GRM1: variants seen among roughly 807,000 people sequenced by gnomAD.
GRM1 encodes metabotropic glutamate receptor 1.
GRM1 carries 33 observed loss-of-function variants against 90.9 expected under a neutral mutation model. The ratio of observed to expected loss-of-function variants is 0.36; its 90% CI spans 0.28 to 0.49. The LOEUF (loss-of-function observed/expected upper bound fraction) is 0.49, where lower values mean the gene tolerates loss of function less well. Among genes scored for constraint, GRM1 ranks in the 20% least tolerant of loss-of-function variants. The pLI is 0.99. For synonymous variants in GRM1, 700 were observed against 613.2 expected (o/e 1.14, Z -2.09); for missense variants, 1,190 against 1,534.3 (o/e 0.78, Z 3.75).
intron 2 of GRM1, among the ~76,000 whole-genome samples, chr6:146,246,044 T>C: frequency 6.6e-6 from 1 of 152,348 alleles, no homozygotes; most frequent in African/African-American, 2.4e-5. Context: ...ATGATGCTTA[T>C]AAATTTTAAA....
At chr6:146,403,230 C>T (rs1488171419) in intron 7 of GRM1, among the ~76,000 whole-genome samples, 5 of 152,010 alleles carry the variant, frequency 3.3e-5, no homozygotes, top group African/African-American at 1.2e-4. Context: ...ATATAAATGA[C>T]ATGCTTCTTT....
intron 2 of GRM1, among the ~76,000 whole-genome samples, chr6:146,274,705 A>T (rs970198183): frequency 6.6e-6 from 1 of 152,208 alleles, no homozygotes; most frequent in Non-Finnish European, 1.5e-5. Context: ...ATAGGCTTGA[A>T]ATAGTAAAAG....
chr6:146,379,789 C>T (rs1348022400), intron 5 of GRM1, among the ~76,000 whole-genome samples: 1 of 152,084 alleles, frequency 6.6e-6, no homozygotes, highest in African/African-American at 2.4e-5. Context: ...TTAAGGGGCT[C>T]CCCAACCCTA....
chr6:146,434,118 C>G lies in GRM1; in HGVS notation c.2907C>G (p.Ser969Arg). Residue 969 changes from serine (S) to arginine (R), a missense_variant, in exon 8 of 8, where the codon AGC becomes AGG. Around this residue, in one of 10 missense-constraint regions of GRM1, gnomAD observed 400 missense variants for 360.8 expected, o/e 1.11. Coordinates refer to ENST00000282753, the MANE Select transcript of GRM1 (RefSeq NM_001278064.2). ...EEEDAQPIRF[S>R]PPGSPSMVVH... ...AGGATGCCCAGCCGATTCGCTTTAG[C>G]CCGCCTGGTAGCCCTTCCATGGTGG... 6.2e-7 allele frequency: 1 copy of G among 1,614,116 alleles called. No homozygotes were observed. The highest frequency in any genetic ancestry group is 8.5e-7 in the Non-Finnish European group (1 of 1,180,008).
intron 1 of GRM1, among the ~76,000 whole-genome samples, chr6:146,087,241 CTTTTTATT>C (rs1776576981): frequency 6.6e-6 from 1 of 151,996 alleles, no homozygotes; most frequent in African/African-American, 2.4e-5. Context: ...ATTATTTTAT[CTTTTTATT>C]TTGACCTAAT....
intron 3 of GRM1, among the ~76,000 whole-genome samples, chr6:146,350,899 C>A (rs1330080212): frequency 3.3e-5 from 5 of 152,162 alleles, no homozygotes; most frequent in Non-Finnish European, 7.3e-5. Flanking sequence ...GGATTAAAAT[C>A]TAATCTTCTT....
Position 146,399,174 on chromosome 6 carries a change from T to C in GRM1, c.2135T>C (p.Ile712Thr). The C allele has an allele frequency of 6.2e-7, 1 of 1,614,086 alleles. No individual in the cohort carries two copies. Among genetic ancestry groups the C allele is most frequent in the Non-Finnish European group, 8.5e-7 (1 of 1,180,014 alleles). Residue 712 changes from isoleucine (I) to threonine (T), a missense_variant, in exon 7 of 8, where the codon ATT becomes ACT. Around this residue, in one of 10 missense-constraint regions of GRM1, gnomAD observed 414 missense variants for 598.4 expected, o/e 0.69. Transcript: ENST00000282753. This position sits in a 1 kb window ranked among gnomAD's most constrained non-coding sequence, Gnocchi z 5.4. ...TGGGCTCAGGTGATCATTGCCTCAA[T>C]TCTGATTAGTGTGCAACTAACCCTG... is the stretch of plus-strand genomic sequence containing the variant. ...SAWAQVIIAS[I>T]LISVQLTLVV...
In GRM1 at chr6:146,322,584, A is replaced by C. The variant is rs545592136; in HGVS notation, c.1186+17738A>C. Among the ~76,000 whole-genome samples the C allele has an allele frequency of 2.1e-3, 305 of 146,430 alleles. 1 individual carries two copies. The highest frequency in any genetic ancestry group is 7.3e-3 in the African/African-American group (285 of 39,156). ...GGGGCTGCTGCCTTTCTTTTATTTT[A>C]TTTTATTTTATTTTATTTTATTTTA... is the stretch of plus-strand genomic sequence containing the variant. On this transcript the variant is annotated intron_variant, in intron 3 of 7. Transcript: ENST00000282753.
intron 1 of GRM1, among the ~76,000 whole-genome samples, chr6:146,140,102 T>A (rs1583059970): frequency 8.9e-6 from 1 of 112,210 alleles, no homozygotes; most frequent in South Asian, 3.7e-4. Context: ...TCTTTCTTTC[T>A]TTCTTTCTTT....
At chr6:146,225,745 A>G (rs77183988) in intron 2 of GRM1, among the ~76,000 whole-genome samples, 2,132 of 152,276 alleles carry the variant, frequency 0.014, 77 homozygotes, top group East Asian at 0.079. Flanking sequence ...GTACACTTAA[A>G]TAATGGGATT....
chr6:146,050,924 T>C (rs1367769403), intron 1 of GRM1, among the ~76,000 whole-genome samples: 2 of 152,064 alleles, frequency 1.3e-5, no homozygotes, highest in African/African-American at 4.8e-5. Flanking sequence ...AGTCTATGGT[T>C]TCATAACAGA....
intron 2 of GRM1, among the ~76,000 whole-genome samples, chr6:146,236,568 A>G (rs1780652369): frequency 6.6e-6 from 1 of 152,152 alleles, no homozygotes; most frequent in South Asian, 2.1e-4. Context: ...TCTCAGGGAT[A>G]GAGCCTTCTC....
intron 1 of GRM1, among the ~76,000 whole-genome samples, chr6:146,080,603 T>A (rs946552698): frequency 1.3e-5 from 2 of 151,876 alleles, no homozygotes; most frequent in Non-Finnish European, 2.9e-5. Flanking sequence ...CTGGTCAGAG[T>A]CTGTGGTCCT....
At chr6:146,302,588 T>C (rs1783429933) in intron 2 of GRM1, among the ~76,000 whole-genome samples, 1 of 151,444 alleles carries the variant, frequency 6.6e-6, no homozygotes, top group African/African-American at 2.4e-5. Flanking sequence ...ATGGGGTTTT[T>C]CCATGTTGCC....
At chr6:146,422,693 C>A (rs911276637) in intron 7 of GRM1, among the ~76,000 whole-genome samples, 16 of 152,090 alleles carry the variant, frequency 1.1e-4, no homozygotes, top group African/African-American at 3.4e-4. Context: ...ATTCTAACTT[C>A]ATTTAAAAAA....
intron 1 of GRM1, among the ~76,000 whole-genome samples, chr6:146,117,692 T>C (rs553394896): frequency 2.0e-5 from 3 of 152,250 alleles, no homozygotes; most frequent in South Asian, 2.1e-4. Context: ...ATGTATATAT[T>C]TGTATAAACA....
intron 2 of GRM1, among the ~76,000 whole-genome samples, chr6:146,208,035 G>T (rs114479453): frequency 1.5e-3 from 231 of 152,154 alleles, no homozygotes; most frequent in African/African-American, 5.4e-3. Context: ...CCCTCAGGCT[G>T]CCTGTCATCT....
intron 1 of GRM1, among the ~76,000 whole-genome samples, chr6:146,115,771 A>G (rs936880832): frequency 2.6e-5 from 4 of 152,094 alleles, no homozygotes; most frequent in African/African-American, 9.7e-5. Flanking sequence ...ATATTCTTGT[A>G]TCTGGTCACC....
At chr6:146,158,382 G>A (rs1053711788) in intron 1 of GRM1, among the ~76,000 whole-genome samples, 2 of 152,154 alleles carry the variant, frequency 1.3e-5, no homozygotes, top group Admixed American at 6.5e-5. Context: ...TAGAATATAT[G>A]AGTTTGTATG....
Sources: gnomAD v4.1 joint callset for allele counts (sites outside exome capture counted in the v4.1 genomes callset) on GRCh38, gnomAD v4.1.1 for gene constraint, gnomAD v4.1.1 regional missense constraint, Gnocchi (gnomAD v3.1) non-coding constraint, MANE v1.5 for transcripts, NCBI Gene and HGNC (gene_info 2026-07-23, HGNC 2026-07-21) for gene names.